ARHGAP15: variants seen among roughly 807,000 people sequenced by gnomAD.
ARHGAP15 encodes rho GTPase-activating protein 15.
Under a neutral mutation model 63.7 loss-of-function variants are expected in ARHGAP15, and 51 were observed. That is an observed-to-expected ratio of 0.80 (90% CI 0.64 to 1.01). ARHGAP15 has a LOEUF of 1.01. Ranked by LOEUF, ARHGAP15 falls within the 50% of genes least tolerant of loss-of-function variation. The pLI, the probability that ARHGAP15 is intolerant of heterozygous loss-of-function variation, is 0.00. For synonymous variants in ARHGAP15, 191 were observed against 193.8 expected (o/e 0.99, Z 0.12); for missense variants, 560 against 564.6 (o/e 0.99, Z 0.08).
At chr2:143,252,602 C>G (rs1680213753) in intron 6 of ARHGAP15, among the ~76,000 whole-genome samples, 1 of 151,752 alleles carries the variant, frequency 6.6e-6, no homozygotes, top group African/African-American at 2.4e-5. Context: ...AATAACAAAC[C>G]AAAAGAAAAG....
intron 8 of ARHGAP15, among the ~76,000 whole-genome samples, chr2:143,463,210 G>A (rs1397728522): frequency 6.6e-6 from 1 of 151,794 alleles, no homozygotes; most frequent in African/African-American, 2.4e-5. Context: ...CCCACTCCTA[G>A]GTAGCTCACC....
intron 6 of ARHGAP15, among the ~76,000 whole-genome samples, chr2:143,403,164 C>G (rs1019472865): frequency 1.3e-5 from 2 of 151,772 alleles, no homozygotes; most frequent in Non-Finnish European, 1.5e-5. Context: ...ATATCATTTT[C>G]AAACCATATT....
At chr2:143,558,754 G>A (rs1297555886) in intron 11 of ARHGAP15, among the ~76,000 whole-genome samples, 4 of 152,182 alleles carry the variant, frequency 2.6e-5, no homozygotes, top group African/African-American at 9.7e-5. Context: ...GCAGGTAAGA[G>A]AAGTATTAAA....
intron 9 of ARHGAP15, among the ~76,000 whole-genome samples, chr2:143,515,251 T>A (rs997310402): frequency 6.8e-6 from 1 of 146,276 alleles, no homozygotes; most frequent in African/African-American, 2.6e-5. Flanking sequence ...TAGAGTATGA[T>A]TATAATGATC....
chr2:143,433,582 A>G (rs1396282800), intron 6 of ARHGAP15, among the ~76,000 whole-genome samples: 1 of 152,118 alleles, frequency 6.6e-6, no homozygotes, highest in Non-Finnish European at 1.5e-5. Context: ...TCCCCTTTGC[A>G]TTGCATAGCA....
chr2:143,337,525 G>T (rs933895147), intron 6 of ARHGAP15, among the ~76,000 whole-genome samples: 5 of 152,054 alleles, frequency 3.3e-5, no homozygotes, highest in African/African-American at 1.2e-4. Context: ...CTACTTAAAT[G>T]GAAACATATA....
At chr2:143,714,434 C>G (rs1243270586) in intron 13 of ARHGAP15, among the ~76,000 whole-genome samples, 2 of 152,224 alleles carry the variant, frequency 1.3e-5, no homozygotes, top group Non-Finnish European at 2.9e-5. Context: ...ATGAAGGTCT[C>G]TGACATGGCC....
At chr2:143,306,068 A>G (rs1683154615) in intron 6 of ARHGAP15, among the ~76,000 whole-genome samples, 2 of 152,154 alleles carry the variant, frequency 1.3e-5, no homozygotes, top group South Asian at 4.1e-4. Context: ...TTTTTCAAAC[A>G]CCTGTTTTCC....
intron 6 of ARHGAP15, among the ~76,000 whole-genome samples, chr2:143,347,397 A>G (rs1685345431): frequency 6.6e-6 from 1 of 152,148 alleles, no homozygotes; most frequent in African/African-American, 2.4e-5. Context: ...TTGAAATCAC[A>G]GGGCTGGTTT....
chr2:143,260,326 G>C (rs1452921585), intron 6 of ARHGAP15, among the ~76,000 whole-genome samples: 1 of 152,048 alleles, frequency 6.6e-6, no homozygotes, highest in Non-Finnish European at 1.5e-5. Context: ...ATTTTAGTAC[G>C]GTTTTAAGTT....
chr2:143,657,274 G>A (rs886647597), intron 12 of ARHGAP15, among the ~76,000 whole-genome samples: 1 of 152,144 alleles, frequency 6.6e-6, no homozygotes, highest in African/African-American at 2.4e-5. Flanking sequence ...GTGAACCCTG[G>A]AGGCGGAGCT....
intron 1 of ARHGAP15, among the ~76,000 whole-genome samples, chr2:143,142,597 G>T (rs1214934692): frequency 6.6e-6 from 1 of 152,114 alleles, no homozygotes; most frequent in African/African-American, 2.4e-5. Context: ...ATCGCATGAT[G>T]TAGGTAGGGT....
At chr2:143,257,751 G>A (rs1440408785) in intron 6 of ARHGAP15, among the ~76,000 whole-genome samples, 1 of 152,066 alleles carries the variant, frequency 6.6e-6, no homozygotes, top group African/African-American at 2.4e-5. Flanking sequence ...GAGCCACATG[G>A]AGATCAAACC....
intron 6 of ARHGAP15, 159 bp from the exon 7 acceptor site, chr2:143,435,442 A>C: frequency 8.0e-7 from 1 of 1,251,162 alleles, no homozygotes. Context: ...AGAGCGGTTC[A>C]AAATGCTCCC....
At position 143,281,697 on chromosome 2, in the gene ARHGAP15, T is replaced by C. The variant is rs562541826; in HGVS notation, c.474+31097T>C. 9.9e-5 allele frequency among the ~76,000 whole-genome samples: 15 copies of C among 152,276 alleles called. 1 individual carries two copies. The South Asian group carries it at 1.9e-3, about 19-fold the overall frequency. On this transcript the variant is annotated intron_variant, in intron 6 of 13. Transcript: ENST00000295095. ...TTATGGTAATACAATGGCCAGTCAT[T>C]ACCCTCACACTTTATTAAAATGTAC...
chr2:143,411,688 T>A (rs1399063920), intron 6 of ARHGAP15, among the ~76,000 whole-genome samples: 2 of 152,228 alleles, frequency 1.3e-5, no homozygotes, highest in African/African-American at 4.8e-5. Context: ...GAACTGGAGA[T>A]ACATTGGTAA....
At chr2:143,623,087 G>T (rs1369168451) in intron 11 of ARHGAP15, among the ~76,000 whole-genome samples, 2 of 152,174 alleles carry the variant, frequency 1.3e-5, no homozygotes, top group Non-Finnish European at 2.9e-5. Flanking sequence ...ATTAGTTTAA[G>T]GTTTCATGAA....
intron 12 of ARHGAP15, among the ~76,000 whole-genome samples, chr2:143,702,106 T>C (rs1309513952): frequency 6.6e-6 from 1 of 152,178 alleles, no homozygotes; most frequent in Non-Finnish European, 1.5e-5. Context: ...GCCTTACATA[T>C]TAGTCTTTTT....
At chr2:143,682,153 A>C (rs1475339961) in intron 12 of ARHGAP15, among the ~76,000 whole-genome samples, 4 of 152,210 alleles carry the variant, frequency 2.6e-5, no homozygotes, top group African/African-American at 9.6e-5. Context: ...ATACATTTTA[A>C]CAATCTATAA....
Sources: gnomAD v4.1 joint callset for allele counts (sites outside exome capture counted in the v4.1 genomes callset) on GRCh38, gnomAD v4.1.1 for gene constraint, MANE v1.5 for transcripts, NCBI Gene and HGNC (gene_info 2026-07-23, HGNC 2026-07-21) for gene names.